MCTP1: variants seen among roughly 807,000 people sequenced by gnomAD.
MCTP1 encodes multiple C2 and transmembrane domain containing 1, also known as multiple C2 and transmembrane domain-containing protein 1.
In MCTP1, 69 loss-of-function variants were observed where a neutral mutation model predicts 120.6. The ratio of observed to expected loss-of-function variants is 0.57; its 90% CI spans 0.47 to 0.70. The LOEUF (loss-of-function observed/expected upper bound fraction) is 0.70. Among genes scored for constraint, MCTP1 ranks in the 30% least tolerant of loss-of-function variants. The pLI is 0.00. For missense variants in MCTP1, 1,203 were observed against 1,248.8 expected, an observed-to-expected ratio of 0.96 and a Z score of 0.55; for synonymous variants, 529 against 493.1, an observed-to-expected ratio of 1.07 and a Z score of -0.96.
chr5:95,171,928 T>A (rs890983205), intron 1 of MCTP1, among the ~76,000 whole-genome samples: 2 of 152,230 alleles, frequency 1.3e-5, no homozygotes, highest in Non-Finnish European at 2.9e-5. Context: ...TCATTCTCCA[T>A]CCAGCTTGTT....
intron 1 of MCTP1, among the ~76,000 whole-genome samples, chr5:95,172,370 A>G (rs1382265500): frequency 1.3e-5 from 2 of 152,144 alleles, no homozygotes; most frequent in Admixed American, 6.5e-5. Flanking sequence ...CCACTTGAGG[A>G]GGCAGTCTGT....
At chr5:95,081,359 T>C in intron 1 of MCTP1, 1 of 1,418,082 alleles carries the variant, frequency 7.1e-7, no homozygotes, top group East Asian at 2.3e-5. Flanking sequence ...GGAACAATCA[T>C]ATACCTAAAC....
At chr5:94,847,991 C>A (rs1233960100) in intron 17 of MCTP1, among the ~76,000 whole-genome samples, 2 of 152,006 alleles carry the variant, frequency 1.3e-5, no homozygotes, top group Admixed American at 1.3e-4. Context: ...GGTCCTTCAC[C>A]TGCTTGGTAT....
At chr5:95,006,424 C>A (rs916343631) in intron 2 of MCTP1, among the ~76,000 whole-genome samples, 3 of 151,786 alleles carry the variant, frequency 2.0e-5, no homozygotes, top group African/African-American at 4.8e-5. Flanking sequence ...ATCATTAAAA[C>A]TAAGTTACTG....
intron 1 of MCTP1, among the ~76,000 whole-genome samples, chr5:95,253,999 T>C (rs1757635067): frequency 6.6e-6 from 1 of 152,142 alleles, no homozygotes; most frequent in Admixed American, 6.6e-5. Context: ...AAGCAACTTT[T>C]ATCACTGCTA....
chr5:95,228,400 G>A (rs898256086), intron 1 of MCTP1, among the ~76,000 whole-genome samples: 1 of 150,208 alleles, frequency 6.7e-6, no homozygotes, highest in Non-Finnish European at 1.5e-5. Context: ...AGAGAGAAAC[G>A]TAAAAGTTAT....
chr5:94,801,054 G>A (rs1032770410), intron 17 of MCTP1, among the ~76,000 whole-genome samples: 2 of 152,048 alleles, frequency 1.3e-5, no homozygotes, highest in African/African-American at 4.8e-5. Flanking sequence ...TTTAGGAAGT[G>A]AATTAAGGTA....
At chr5:95,223,920 TGATCA>T (rs1753968836) in intron 1 of MCTP1, among the ~76,000 whole-genome samples, 1 of 152,252 alleles carries the variant, frequency 6.6e-6, no homozygotes, top group Admixed American at 6.5e-5. Flanking sequence ...CAAACATTTA[TGATCA>T]GCTCAAATAG....
chr5:94,888,882 T>C lies in MCTP1; in HGVS notation c.1930A>G (p.Thr644Ala). 1.2e-6 allele frequency: 2 copies of C among 1,603,608 alleles called. No individual in the cohort carries two copies. The highest frequency in any genetic ancestry group is 1.7e-6 in the Non-Finnish European group (2 of 1,170,524). The change falls in exon 12 of 23, where the codon ACT (threonine) becomes GCT (alanine). Residue 644 changes from threonine to alanine, a missense_variant. Coordinates refer to ENST00000515393, the MANE Select transcript of MCTP1 (RefSeq NM_024717.7). ...GGAGAATTGCATCATCTCTTACCAG[T>C]GACGTCGGCAGCCATTAACCCTTCC... is the stretch of plus-strand genomic sequence containing the variant. ...RAEGLMAADV[T>A]GKSDPFCVVE...
At chr5:94,740,406 AT>A (rs1473568757) in intron 19 of MCTP1, among the ~76,000 whole-genome samples, 2 of 152,146 alleles carry the variant, frequency 1.3e-5, no homozygotes, top group South Asian at 4.1e-4. Context: ...TTAAATGCAA[AT>A]TTTTTTTAGT....
chr5:94,841,146 T>G (rs1279653133), intron 17 of MCTP1, among the ~76,000 whole-genome samples: 1 of 152,128 alleles, frequency 6.6e-6, no homozygotes, highest in Non-Finnish European at 1.5e-5. Context: ...TCCCTTGTAC[T>G]TCTAGGGTTG....
At chr5:94,898,369 G>C (rs1402171655) in intron 10 of MCTP1, among the ~76,000 whole-genome samples, 1 of 152,194 alleles carries the variant, frequency 6.6e-6, no homozygotes, top group African/African-American at 2.4e-5. Flanking sequence ...TTTCTTGTTG[G>C]CTTGAGGATA....
chr5:95,069,358 A>T (rs2152210805), intron 1 of MCTP1, among the ~76,000 whole-genome samples: 1 of 152,358 alleles, frequency 6.6e-6, no homozygotes, highest in East Asian at 1.9e-4. Context: ...AGTTTATTGT[A>T]TCAAACATAA....
At chr5:95,229,937 C>A (rs944265608) in intron 1 of MCTP1, among the ~76,000 whole-genome samples, 3 of 152,094 alleles carry the variant, frequency 2.0e-5, no homozygotes, top group Admixed American at 6.5e-5. Flanking sequence ...CTGCTCTCTT[C>A]CCACACCTTT....
At chr5:94,931,884 G>C in intron 6 of MCTP1, 69 bp downstream of exon 6, 2 of 1,127,254 alleles carry the variant, frequency 1.8e-6, no homozygotes, top group South Asian at 2.6e-5. Context: ...AGAGATGAGA[G>C]AGATCTGGGA....
chr5:95,116,004 A>G (rs1461252680), intron 1 of MCTP1, among the ~76,000 whole-genome samples: 1 of 152,132 alleles, frequency 6.6e-6, no homozygotes, highest in East Asian at 1.9e-4. Context: ...GGAAAAAAAA[A>G]AACTTTTACT....
intron 1 of MCTP1, among the ~76,000 whole-genome samples, chr5:95,243,731 G>A (rs138722390): frequency 5.6e-4 from 86 of 152,262 alleles, no homozygotes; most frequent in African/African-American, 2.0e-3. Context: ...AAAGGTGAAC[G>A]AGTCCAAGAG....
chr5:94,982,450 T>C (rs1289364427), intron 2 of MCTP1, among the ~76,000 whole-genome samples: 1 of 152,194 alleles, frequency 6.6e-6, no homozygotes, highest in Admixed American at 6.5e-5. Flanking sequence ...ATGTCTTTCC[T>C]GCTGTGGTAG....
At chr5:95,222,835 A>G (rs961551318) in intron 1 of MCTP1, among the ~76,000 whole-genome samples, 1 of 152,248 alleles carries the variant, frequency 6.6e-6, no homozygotes, top group East Asian at 1.9e-4. Context: ...ATTAATATAC[A>G]TAGACTGTGC....
Sources: allele counts gnomAD v4.1 joint callset (sites outside exome capture counted in the v4.1 genomes callset), GRCh38; gene constraint gnomAD v4.1.1; transcripts MANE v1.5; gene names NCBI Gene and HGNC (gene_info 2026-07-23, HGNC 2026-07-21).